The following NPFFR2 variants were observed in gnomAD, a reference collection of about 807,000 sequenced individuals.
NPFFR2 encodes neuropeptide FF receptor 2.
NPFFR2 carries 15 observed loss-of-function variants against 13.1 expected under a neutral mutation model. That is an observed-to-expected ratio of 1.15 (90% CI 0.77 to 1.76). NPFFR2 has a LOEUF of 1.76. Ranked by LOEUF, NPFFR2 falls within the 40% of genes most tolerant of loss-of-function variation. NPFFR2 has a pLI of 0.00. For missense variants in NPFFR2, 572 were observed against 503.5 expected, an observed-to-expected ratio of 1.14 and a Z score of -1.30; for synonymous variants, 190 against 175.7, an observed-to-expected ratio of 1.08 and a Z score of -0.65.
At chr4:72,036,699 G>A (rs1279859642) in intron 1 of NPFFR2, among the ~76,000 whole-genome samples, 5 of 151,186 alleles carry the variant, frequency 3.3e-5, no homozygotes, top group Non-Finnish European at 7.4e-5. Flanking sequence ...ATGCCATTTT[G>A]CAGCCATAGA....
chr4:72,080,771 G>A (rs892230889), intron 1 of NPFFR2, among the ~76,000 whole-genome samples: 4 of 152,148 alleles, frequency 2.6e-5, no homozygotes, highest in East Asian at 1.9e-4. Context: ...GAGGTTAAAG[G>A]GAATCAGGGG....
chr4:72,052,543 T>C (rs1013615085), intron 1 of NPFFR2, among the ~76,000 whole-genome samples: 2 of 152,038 alleles, frequency 1.3e-5, no homozygotes, highest in African/African-American at 4.8e-5. Context: ...AATATCATAC[T>C]GAATGAGCAA....
chr4:72,104,095 G>T (rs1472986678), intron 1 of NPFFR2, among the ~76,000 whole-genome samples: 1 of 152,014 alleles, frequency 6.6e-6, no homozygotes, highest in Non-Finnish European at 1.5e-5. Context: ...GAGGCAAATG[G>T]CAAGGTTCAC....
chr4:72,135,865 A>G (rs1722393747), intron 2 of NPFFR2, among the ~76,000 whole-genome samples: 1 of 151,788 alleles, frequency 6.6e-6, no homozygotes. Context: ...TTTATGGGGT[A>G]CATATGATGT....
chr4:72,115,694 A>C (rs932484125), intron 1 of NPFFR2, among the ~76,000 whole-genome samples: 1 of 152,174 alleles, frequency 6.6e-6, no homozygotes, highest in African/African-American at 2.4e-5. Flanking sequence ...ATGAGTTTTA[A>C]CCTAGAATTT....
chr4:72,119,634 T>C (rs1721810053), intron 1 of NPFFR2, among the ~76,000 whole-genome samples: 1 of 152,080 alleles, frequency 6.6e-6, no homozygotes, highest in South Asian at 2.1e-4. Context: ...GAGGGTGAGC[T>C]GAAGCAGGGT....
intron 1 of NPFFR2, chr4:72,068,876 G>A: frequency 1.3e-5 from 7 of 558,176 alleles, no homozygotes; most frequent in South Asian, 5.8e-5. Flanking sequence ...TTCCTGCATG[G>A]CTCTAGACAC....
At chr4:72,092,389 T>C (rs900289561) in intron 1 of NPFFR2, among the ~76,000 whole-genome samples, 1 of 152,132 alleles carries the variant, frequency 6.6e-6, no homozygotes, top group African/African-American at 2.4e-5. Flanking sequence ...CATTGTTTCT[T>C]TGTTGACTTT....
chr4:72,131,754 A>C (rs1722249713), intron 2 of NPFFR2, among the ~76,000 whole-genome samples: 1 of 152,222 alleles, frequency 6.6e-6, no homozygotes, highest in African/African-American at 2.4e-5. Context: ...TGGAAATGTA[A>C]ATTTTTGCCT....
intron 1 of NPFFR2, among the ~76,000 whole-genome samples, chr4:72,110,920 C>T (rs1471941654): frequency 6.6e-6 from 1 of 151,906 alleles, no homozygotes; most frequent in Non-Finnish European, 1.5e-5. Flanking sequence ...GAACAGAGGT[C>T]AATAGCATTC....
At chr4:72,116,658 A>G (rs1721720929) in intron 1 of NPFFR2, among the ~76,000 whole-genome samples, 1 of 152,208 alleles carries the variant, frequency 6.6e-6, no homozygotes, top group Admixed American at 6.5e-5. Flanking sequence ...ATTAAGAGGG[A>G]AACCTATAAA....
At chr4:72,042,495 A>G (rs1322337459) in intron 1 of NPFFR2, among the ~76,000 whole-genome samples, 1 of 152,214 alleles carries the variant, frequency 6.6e-6, no homozygotes, top group African/African-American at 2.4e-5. Context: ...GCTCAGTAGA[A>G]GATAAGAAAT....
At chr4:72,141,690 A>G (rs1040133908) in intron 3 of NPFFR2, among the ~76,000 whole-genome samples, 1 of 152,054 alleles carries the variant, frequency 6.6e-6, no homozygotes, top group Non-Finnish European at 1.5e-5. Flanking sequence ...CTATGTGGTC[A>G]GTTTTGGAGT....
intron 1 of NPFFR2, among the ~76,000 whole-genome samples, chr4:72,085,701 A>T (rs1720747132): frequency 6.6e-6 from 1 of 152,168 alleles, no homozygotes; most frequent in Admixed American, 6.6e-5. Flanking sequence ...AGATGTAAAG[A>T]AATGCTAGTT....
chr4:72,038,755 G>A (rs1719110263), intron 1 of NPFFR2, among the ~76,000 whole-genome samples: 1 of 151,762 alleles, frequency 6.6e-6, no homozygotes. Context: ...AGTTACATTA[G>A]CCATTCCACT....
intron 2 of NPFFR2, among the ~76,000 whole-genome samples, chr4:72,137,662 C>T (rs1443279031): frequency 1.3e-5 from 2 of 152,092 alleles, no homozygotes; most frequent in African/African-American, 4.8e-5. Flanking sequence ...TCTTACTTCC[C>T]AGGTTCAAAT....
chr4:72,131,705 C>T (rs2109837388), intron 2 of NPFFR2, among the ~76,000 whole-genome samples: 1 of 152,072 alleles, frequency 6.6e-6, no homozygotes, highest in East Asian at 1.9e-4. Flanking sequence ...TTTGTAAGAA[C>T]AGTAAAATGT....
Position 72,128,849 on chromosome 4 carries a change from C to T in NPFFR2, c.258C>T (p.Asn86=). 6.2e-7 allele frequency: 1 copy of T among 1,614,012 alleles called. No individual in the cohort carries two copies. The highest frequency in any genetic ancestry group is 8.5e-7 in the Non-Finnish European group (1 of 1,179,916). Residue 86 remains asparagine, a synonymous_variant, in exon 2 of 4, where the codon AAC becomes AAT. Coordinates refer to ENST00000308744, the MANE Select transcript of NPFFR2 (RefSeq NM_004885.3). ...MHTVTNLFIL[N]LAISDLLVGI... ...CAGTCACTAATCTCTTCATCTTAAA[C>T]CTGGCCATAAGTGATTTACTAGTTG...
At chr4:72,058,622 TA>T (rs919101849) in intron 1 of NPFFR2, among the ~76,000 whole-genome samples, 1 of 152,022 alleles carries the variant, frequency 6.6e-6, no homozygotes, top group Non-Finnish European at 1.5e-5. Flanking sequence ...TTATGGAAAA[TA>T]AGACAACTTC....
Sources: gnomAD v4.1 joint callset for allele counts (sites outside exome capture counted in the v4.1 genomes callset) on GRCh38, gnomAD v4.1.1 for gene constraint, MANE v1.5 for transcripts, NCBI Gene and HGNC (gene_info 2026-07-23, HGNC 2026-07-21) for gene names.